DNAH5: variants seen among roughly 807,000 people sequenced by gnomAD.
DNAH5 encodes axonemal beta dynein heavy chain 5.
DNAH5 carries 372 observed loss-of-function variants against 518.2 expected under a neutral mutation model. The ratio of observed to expected loss-of-function variants is 0.72; its 90% CI spans 0.66 to 0.78. The LOEUF is 0.78. DNAH5 is among the 30% of genes least tolerant of loss of function. The pLI, the probability that DNAH5 is intolerant of heterozygous loss-of-function variation, is 0.00. For synonymous variants in DNAH5, 2,039 were observed against 2,025.9 expected, an observed-to-expected ratio of 1.01 and a Z score of -0.17; for missense variants, 5,523 against 5,687.0, an observed-to-expected ratio of 0.97 and a Z score of 0.93.
chr5:13,844,865 T>C lies in DNAH5; in HGVS notation c.5243A>G (p.Asn1748Ser), dbSNP rs773597539. 3 of 1,614,216 alleles carry C rather than the reference T, an allele frequency of 1.9e-6. No homozygotes were observed. The highest frequency in any genetic ancestry group is 1.1e-5 in the South Asian group (1 of 91,086). Residue 1748 changes from asparagine (N) to serine (S), a missense_variant, in exon 32 of 79, where the codon AAC (asparagine) becomes AGC (serine). Physicochemically the swap from Asn to Ser is conservative, Grantham distance 46. This residue lies in a region of DNAH5 where 5,121 missense variants were observed against 5,223.3 expected (regional missense o/e 0.98). Coordinates refer to ENST00000265104, the MANE Select transcript of DNAH5 (RefSeq NM_001369.3). ...TTCGTGGAACTTGACAGATTTAATG[T>C]TGTCAAACACATTCAGCAAATGGGC... Reference protein sequence around the residue: ...IQAHLLNVFDNIKSVKFHEKI... With the variant: ...IQAHLLNVFDSIKSVKFHEKI...
rs144327665 is a variant in DNAH5, at chr5:13,979,128, C to G, written c.12+32520G>C. 6.3e-4 allele frequency among the ~76,000 whole-genome samples: 96 copies of G among 152,288 alleles called. 1 individual carries two copies. In the East Asian group the frequency reaches 0.017, roughly 27 times the overall value. On this transcript the variant is annotated intron_variant, in intron 1 of 78. Coordinates refer to the DNAH5 transcript ENST00000681290. ...TCGTGACTCCCTCCCACCACCTACA[C>G]TCCAACCTAGGGCTTTCCGGCTCAC...
At chr5:13,809,835 G>T (rs1760306426) in intron 45 of DNAH5, among the ~76,000 whole-genome samples, 2 of 152,210 alleles carry the variant, frequency 1.3e-5, no homozygotes, top group African/African-American at 4.8e-5. Flanking sequence ...TTCATTGAAA[G>T]TTTAGTGCAC....
At chr5:13,968,098 G>A (rs1781643397) in intron 1 of DNAH5, among the ~76,000 whole-genome samples, 1 of 152,026 alleles carries the variant, frequency 6.6e-6, no homozygotes, top group South Asian at 2.1e-4. Context: ...TATTGTAAAA[G>A]GGGTTGAGTT....
rs77996798 is a variant in DNAH5, at chr5:13,882,297, C to T, written c.3262+431G>A. ...TTAAAGAGAAGGGAATACTTCCAAACTCATTTTACAAGGCCAGCATTACCC... is the reference window on the plus strand; with the variant it reads ...TTAAAGAGAAGGGAATACTTCCAAATTCATTTTACAAGGCCAGCATTACCC... On this transcript the variant is annotated intron_variant, in intron 21 of 78. Transcript: ENST00000265104. 4.7e-4 allele frequency among the ~76,000 whole-genome samples: 71 copies of T among 151,538 alleles called. 1 individual carries two copies. The East Asian group carries it at 4.8e-3, about 10-fold the overall frequency.
rs1463111347 is a variant in DNAH5, at chr5:13,707,619, CT to C, written c.13338+503del. Among the ~76,000 whole-genome samples, 1 of 152,224 alleles carries C rather than the reference CT, an allele frequency of 6.6e-6. No homozygotes were observed. The highest frequency in any genetic ancestry group is 1.5e-5 in the Non-Finnish European group (1 of 68,040). ...GGGCACAGAAAACCCAGCCACACCC[CT>C]GTCACACGCCCTGTGAGGGGGATAA... On this transcript the variant is annotated intron_variant, in intron 76 of 78. Transcript: ENST00000265104. The surrounding 1 kb of genome is among the most constrained non-coding windows in gnomAD (Gnocchi z 4.0).
In DNAH5 at chr5:13,701,508, G is replaced by GAA. The variant is rs61338089; in HGVS notation, c.13339-74_13339-73dup. ...GCAGTGTAAACCAGCTATGTTCACT[G>GAA]AAAAAAAAAAAAGATGAAATATCAA... On this transcript the variant is annotated intron_variant, in intron 76 of 78. Transcript: ENST00000265104. 521 of 1,052,742 alleles carry GAA rather than the reference G, an allele frequency of 4.9e-4. No individual in the cohort carries two copies. In the African/African-American group the frequency reaches 5.8e-3, roughly 12 times the overall value. The allele number at this position is 1,052,742 out of a possible 1,614,324, so 65.2% of individuals were successfully genotyped here. A position where few individuals can be genotyped will look rare whatever the true frequency, so the allele number is the denominator to read the frequency against.
rs776230815 is a variant in DNAH5 at position 13,716,652 on chromosome 5, C to G, written c.12744G>C (p.Glu4248Asp). The change falls in exon 74 of 79, where the codon GAG (glutamate) becomes GAC (aspartate). Residue 4248 changes from glutamate to aspartate, a missense_variant. Glu to Asp is a conservative substitution (Grantham distance 45). Around this residue, in one of 3 missense-constraint regions of DNAH5, gnomAD observed 5,121 missense variants for 5,223.3 expected, o/e 0.98. Transcript: ENST00000265104. ...CAGTGACTCTGCCTCCATATTGAAT[C>G]TCTCCTATCATGTAGCGGATGGTGG... ...SWTTIRYMIG[E>D]IQYGGRVTDD... is the part of the protein sequence containing the mutation. 1.2e-6 allele frequency: 2 copies of G among 1,613,908 alleles called. No homozygotes were observed. The highest frequency in any genetic ancestry group is 1.7e-6 in the Non-Finnish European group (2 of 1,179,838).
intron 1 of DNAH5, among the ~76,000 whole-genome samples, chr5:13,978,697 T>C: frequency 6.6e-6 from 1 of 152,210 alleles, no homozygotes; most frequent in East Asian, 1.9e-4. Flanking sequence ...TGTTCAGGTT[T>C]GTAGCCTAGG....
chr5:13,800,755 T>C lies in DNAH5; in HGVS notation c.7888-6697A>G, dbSNP rs546798485. The stretch of plus-strand genomic sequence containing the variant: ...CGTCTAAAGAATCACGGATCATCTG[T>C]GTAGTATTCTGCCACCCACATTCCT... On this transcript the variant is annotated intron_variant, in intron 47 of 78. Coordinates refer to ENST00000265104, the MANE Select transcript of DNAH5 (RefSeq NM_001369.3). 3.9e-5 allele frequency among the ~76,000 whole-genome samples: 6 copies of C among 152,316 alleles called. No individual in the cohort carries two copies. In the South Asian group the frequency reaches 1.2e-3, roughly 32 times the overall value.
chr5:13,862,715 G>A lies in DNAH5; in HGVS notation c.4629C>T (p.Asp1543=), dbSNP rs149049465. The A allele has an allele frequency of 2.4e-5, 39 of 1,613,834 alleles. No homozygotes were observed. The highest frequency in any genetic ancestry group is 3.1e-5 in the Non-Finnish European group (36 of 1,179,906). The change falls in exon 29 of 79, where the codon GAC becomes GAT. Residue 1543 remains aspartate, a synonymous_variant. Transcript: ENST00000265104. The part of the protein sequence containing the change: ...DICISAVKER[D]IEQKLKQVIN... ...TCACTTGCTTCAGCTTTTGCTCAAT[G>A]TCTCTCTCTTTCACCGCACTGATAC...
intron 12 of DNAH5, among the ~76,000 whole-genome samples, chr5:13,910,490 G>T (rs970109803): frequency 9.9e-5 from 15 of 152,158 alleles, no homozygotes; most frequent in Non-Finnish European, 2.1e-4. Flanking sequence ...ACTTTGAAGT[G>T]CACAAATTTA....
At chr5:13,916,303 G>T in intron 9 of DNAH5, 45 bp downstream of exon 9, 1 of 1,112,992 alleles carries the variant, frequency 9.0e-7, no homozygotes, top group Non-Finnish European at 1.4e-6. Context: ...ATTGATCACT[G>T]GCAAAGAAAT....
chr5:13,929,875 G>A (rs1336495158), intron 2 of DNAH5, among the ~76,000 whole-genome samples: 2 of 152,168 alleles, frequency 1.3e-5, no homozygotes, highest in Non-Finnish European at 2.9e-5. Flanking sequence ...AAGCAGGGTG[G>A]AGTTAAGCAT....
intron 17 of DNAH5, among the ~76,000 whole-genome samples, chr5:13,890,406 C>A (rs1194735376): frequency 2.8e-4 from 39 of 136,912 alleles, no homozygotes; most frequent in South Asian, 4.8e-4. Flanking sequence ...GACTCCATCT[C>A]AAAAAAAAAA....
At chr5:13,811,921 A>T in intron 43 of DNAH5, 98 bp from the exon 44 acceptor site, 1 of 969,030 alleles carries the variant, frequency 1.0e-6, no homozygotes, top group Non-Finnish European at 1.6e-6. Context: ...GTTAATAATG[A>T]TAATATCTAA....
chr5:13,810,033 C>T (rs752529489), intron 45 of DNAH5, 26 bp downstream of exon 45: 1 of 1,548,914 alleles, frequency 6.5e-7, no homozygotes. Context: ...CCCATGGGTT[C>T]CGTCTGGACG....
At chr5:13,694,617 TGA>T (rs1561062328) in intron 78 of DNAH5, among the ~76,000 whole-genome samples, 4 of 152,242 alleles carry the variant, frequency 2.6e-5, no homozygotes, top group African/African-American at 9.6e-5. Context: ...TTTCATTTTC[TGA>T]CTATTTAACT....
At chr5:13,860,262 T>C (rs1245690272) in intron 29 of DNAH5, 1 of 152,626 alleles carries the variant, frequency 6.6e-6, no homozygotes, top group African/African-American at 2.4e-5. Flanking sequence ...TGTGGGCTCA[T>C]AATTACCCAG....
chr5:13,814,943 T>C (rs1761259382), intron 42 of DNAH5, 97 bp from the exon 43 acceptor site: 4 of 1,123,726 alleles, frequency 3.6e-6, no homozygotes, highest in African/African-American at 1.6e-5. Context: ...TTATATTAGA[T>C]GTAATTTTCA....
Sources: gnomAD v4.1 joint callset for allele counts (sites outside exome capture counted in the v4.1 genomes callset) on GRCh38, gnomAD v4.1.1 for gene constraint, gnomAD v4.1.1 regional missense constraint, Gnocchi (gnomAD v3.1) non-coding constraint, MANE v1.5 for transcripts, NCBI Gene and HGNC (gene_info 2026-07-23, HGNC 2026-07-21) for gene names.